SEMA3A: variants seen among roughly 807,000 people sequenced by gnomAD.
SEMA3A encodes semaphorin-3A.
A neutral mutation model predicts 97.9 loss-of-function variants in SEMA3A; 29 were observed. The ratio of observed to expected loss-of-function variants is 0.30; its 90% CI spans 0.22 to 0.40. The LOEUF is 0.40. Among genes scored for constraint, SEMA3A ranks in the 10% least tolerant of loss-of-function variants. SEMA3A has a pLI of 1.00. For synonymous variants in SEMA3A, 321 were observed against 323.7 expected, an observed-to-expected ratio of 0.99 and a Z score of 0.09; for missense variants, 763 against 951.3, an observed-to-expected ratio of 0.80 and a Z score of 2.60.
At chr7:83,994,842 A>C (rs1440957837) in intron 12 of SEMA3A, among the ~76,000 whole-genome samples, 5 of 152,072 alleles carry the variant, frequency 3.3e-5, no homozygotes, top group East Asian at 2.0e-4. Context: ...GGTGGGCTCC[A>C]CCCAGTTGGA....
chr7:84,351,066 T>TACACAC lies in SEMA3A; in HGVS notation c.-169+20752_-169+20757dup, dbSNP rs149149582. On this transcript the variant is annotated intron_variant, in intron 2 of 3. Transcript: ENST00000424555. ...ACATGCATGCAGATGTACACATGCA[T>TACACAC]ACACACACACACACACACACACACA... Among the ~76,000 whole-genome samples, 39 of 146,660 alleles carry TACACAC rather than the reference T, an allele frequency of 2.7e-4. No homozygotes were observed. The East Asian group carries it at 4.6e-3, about 17-fold the overall frequency.
At chr7:84,320,174 T>C (rs1371431771) in intron 2 of SEMA3A, among the ~76,000 whole-genome samples, 1 of 152,166 alleles carries the variant, frequency 6.6e-6, no homozygotes, top group African/African-American at 2.4e-5. Flanking sequence ...AATTTGGTAA[T>C]AAATTTAATA....
chr7:84,072,599 TAATATA>T (rs1387488782), intron 4 of SEMA3A, among the ~76,000 whole-genome samples: 1 of 152,208 alleles, frequency 6.6e-6, no homozygotes, highest in Non-Finnish European at 1.5e-5. Flanking sequence ...TTTGAAGCAC[TAATATA>T]AATATTAATG....
intron 3 of SEMA3A, among the ~76,000 whole-genome samples, chr7:84,229,396 G>A (rs1799065718): frequency 6.6e-6 from 1 of 152,070 alleles, no homozygotes; most frequent in Non-Finnish European, 1.5e-5. Context: ...GAATCTCATA[G>A]ATAAACATAC....
intron 1 of SEMA3A, among the ~76,000 whole-genome samples, chr7:84,163,842 A>ATT (rs551002141): frequency 2.3e-4 from 29 of 126,906 alleles, no homozygotes; most frequent in Admixed American, 6.6e-4. Context: ...ACACAGTACT[A>ATT]TTTTTTTTTT....
At chr7:84,086,497 ATATAT>A (rs1794359267) in intron 4 of SEMA3A, among the ~76,000 whole-genome samples, 1 of 56,256 alleles carries the variant, frequency 1.8e-5, no homozygotes, top group South Asian at 4.2e-4. Flanking sequence ...TTTACATATA[ATATAT>A]TATTATATTA....
intron 1 of SEMA3A, among the ~76,000 whole-genome samples, chr7:84,190,025 A>T (rs1342824880): frequency 6.6e-6 from 1 of 151,760 alleles, no homozygotes; most frequent in Non-Finnish European, 1.5e-5. Context: ...TGGGAAAATT[A>T]TCTATTCAGT....
At chr7:84,423,423 A>G (rs1289698363) in intron 1 of SEMA3A, among the ~76,000 whole-genome samples, 1 of 152,058 alleles carries the variant, frequency 6.6e-6, no homozygotes, top group Non-Finnish European at 1.5e-5. Context: ...TTCAGCAAAA[A>G]CTCAGTCACT....
At chr7:84,290,219 T>A (rs926548884) in intron 3 of SEMA3A, among the ~76,000 whole-genome samples, 1 of 152,028 alleles carries the variant, frequency 6.6e-6, no homozygotes, top group African/African-American at 2.4e-5. Flanking sequence ...ATACTTAAAA[T>A]TGGTGAATTT....
intron 3 of SEMA3A, among the ~76,000 whole-genome samples, chr7:84,276,752 A>T (rs564440841): frequency 6.6e-6 from 1 of 152,044 alleles, no homozygotes; most frequent in Non-Finnish European, 1.5e-5. Context: ...CTCTTATTAT[A>T]CTTTAAGCAT....
chr7:84,112,978 A>C (rs1211253272), intron 3 of SEMA3A, among the ~76,000 whole-genome samples: 1 of 152,202 alleles, frequency 6.6e-6, no homozygotes, highest in Non-Finnish European at 1.5e-5. Flanking sequence ...GCCTGGAATG[A>C]TTCCCTTCAT....
intron 6 of SEMA3A, among the ~76,000 whole-genome samples, chr7:84,041,640 T>C (rs1018539126): frequency 1.3e-5 from 2 of 152,132 alleles, no homozygotes; most frequent in African/African-American, 4.8e-5. Flanking sequence ...ACTCATAGAA[T>C]ACATAATTCA....
At chr7:84,129,223 A>C (rs769719305) in intron 2 of SEMA3A, 38 bp from the exon 3 acceptor site, 1 of 1,527,278 alleles carries the variant, frequency 6.5e-7, no homozygotes, top group Non-Finnish European at 9.1e-7. Context: ...ATGTCAACTA[A>C]GTTGTCTAAG....
At chr7:84,293,769 G>A (rs1304976410) in intron 3 of SEMA3A, among the ~76,000 whole-genome samples, 1 of 151,904 alleles carries the variant, frequency 6.6e-6, no homozygotes, top group Non-Finnish European at 1.5e-5. Flanking sequence ...ATAAGAATCC[G>A]TGTAAGGGGA....
intron 1 of SEMA3A, among the ~76,000 whole-genome samples, chr7:84,403,102 G>A (rs181350552): frequency 3.3e-4 from 50 of 152,224 alleles, no homozygotes; most frequent in Admixed American, 7.2e-4. Flanking sequence ...ATGAGGCATC[G>A]CCTCACCCGG....
At chr7:84,232,691 T>C (rs1186825267) in intron 3 of SEMA3A, among the ~76,000 whole-genome samples, 2 of 152,004 alleles carry the variant, frequency 1.3e-5, no homozygotes, top group African/African-American at 4.8e-5. Context: ...GACGTTTTCC[T>C]TCTAATTTTC....
chr7:84,127,437 T>C (rs1795832415), intron 3 of SEMA3A, among the ~76,000 whole-genome samples: 1 of 152,166 alleles, frequency 6.6e-6, no homozygotes, highest in Non-Finnish European at 1.5e-5. Context: ...CTTATCCTTG[T>C]ATTCAGCATA....
intron 3 of SEMA3A, among the ~76,000 whole-genome samples, chr7:84,210,006 T>A (rs950482855): frequency 6.6e-6 from 1 of 152,304 alleles, no homozygotes; most frequent in East Asian, 1.9e-4. Flanking sequence ...GACAATAATG[T>A]ACATGTTCAA....
At chr7:84,054,621 GT>G (rs1028959361) in intron 5 of SEMA3A, among the ~76,000 whole-genome samples, 1 of 136,712 alleles carries the variant, frequency 7.3e-6, no homozygotes, top group African/African-American at 2.7e-5. Context: ...TTTTTGCAAA[GT>G]TTTCAACTTC....
Sources: gnomAD v4.1 joint callset for allele counts (sites outside exome capture counted in the v4.1 genomes callset) on GRCh38, gnomAD v4.1.1 for gene constraint, MANE v1.5 for transcripts, NCBI Gene and HGNC (gene_info 2026-07-23, HGNC 2026-07-21) for gene names.